Variants in GSG1L observed in about 807,000 individuals in gnomAD.
GSG1L encodes GSG1 like.
GSG1L carries 24 observed loss-of-function variants against 42.1 expected under a neutral mutation model. That is an observed-to-expected ratio of 0.57 (90% CI 0.41 to 0.80). The LOEUF (loss-of-function observed/expected upper bound fraction) is 0.80. Among genes scored for constraint, GSG1L ranks in the 30% least tolerant of loss-of-function variants. The pLI, the probability that GSG1L is intolerant of heterozygous loss-of-function variation, is 0.00. For synonymous variants in GSG1L, 215 were observed against 203.5 expected (o/e 1.06, Z -0.48); for missense variants, 445 against 472.2 (o/e 0.94, Z 0.53).
chr16:28,003,370 CCT>C (rs1419073386), intron 1 of GSG1L, among the ~76,000 whole-genome samples: 1 of 152,204 alleles, frequency 6.6e-6, no homozygotes, highest in African/African-American at 2.4e-5. Context: ...AGCTGGGCAA[CCT>C]CTCTCTGGCT....
At chr16:27,824,054 A>T in intron 5 of GSG1L, 1 of 647,876 alleles carries the variant, frequency 1.5e-6, no homozygotes, top group Non-Finnish European at 2.8e-6. Flanking sequence ...GCTTCGAAAT[A>T]CCCTCGCCAT....
At chr16:27,823,808 C>T (rs924101480) in intron 5 of GSG1L, 4 of 700,820 alleles carry the variant, frequency 5.7e-6, no homozygotes, top group Non-Finnish European at 1.0e-5. Context: ...AGAGGCCACA[C>T]AGCACAGGGA....
intron 4 of GSG1L, among the ~76,000 whole-genome samples, chr16:27,843,848 G>C (rs1434446196): frequency 6.6e-6 from 1 of 152,178 alleles, no homozygotes; most frequent in Non-Finnish European, 1.5e-5. Context: ...AATAAGGAGA[G>C]AGAATATGAC....
At chr16:27,960,422 G>A (rs1037137058) in intron 2 of GSG1L, among the ~76,000 whole-genome samples, 5 of 152,132 alleles carry the variant, frequency 3.3e-5, no homozygotes, top group African/African-American at 1.2e-4. Flanking sequence ...TAGTGCCAGT[G>A]TCGCGATTAT....
intron 2 of GSG1L, among the ~76,000 whole-genome samples, chr16:27,920,615 C>T (rs992895209): frequency 9.2e-5 from 14 of 152,200 alleles, no homozygotes; most frequent in African/African-American, 1.4e-4. Context: ...GAGCGTGGGC[C>T]GGTCACTTGC....
At chr16:27,934,401 G>A (rs1340125859) in intron 2 of GSG1L, among the ~76,000 whole-genome samples, 1 of 152,168 alleles carries the variant, frequency 6.6e-6, no homozygotes, top group African/African-American at 2.4e-5. Flanking sequence ...CAGGCATGAT[G>A]GCAGGTGCCT....
intron 1 of GSG1L, among the ~76,000 whole-genome samples, chr16:28,006,651 C>T (rs1271921586): frequency 2.6e-5 from 4 of 152,110 alleles, no homozygotes; most frequent in Non-Finnish European, 4.4e-5. Flanking sequence ...TCCTGGATTC[C>T]GGCCTGCAGA....
intron 1 of GSG1L, among the ~76,000 whole-genome samples, chr16:28,043,448 G>C (rs1279407288): frequency 6.6e-6 from 1 of 152,194 alleles, no homozygotes; most frequent in African/African-American, 2.4e-5. Flanking sequence ...AAAAGAAGGA[G>C]TCAAAAGGAA....
intron 2 of GSG1L, among the ~76,000 whole-genome samples, chr16:27,959,737 G>A (rs116199170): frequency 0.026 from 3,929 of 151,822 alleles, 187 homozygotes; most frequent in African/African-American, 0.09. Flanking sequence ...AGCTACGATC[G>A]CACCACTGCA....
chr16:27,927,969 GC>G (rs1372959166), intron 2 of GSG1L, among the ~76,000 whole-genome samples: 5 of 152,092 alleles, frequency 3.3e-5, no homozygotes, highest in African/African-American at 1.2e-4. Flanking sequence ...GAGGATTCGT[GC>G]TTTATCATCA....
chr16:28,008,810 TTTTG>T (rs200213306), intron 1 of GSG1L, among the ~76,000 whole-genome samples: 3 of 152,164 alleles, frequency 2.0e-5, no homozygotes, highest in South Asian at 2.1e-4. Flanking sequence ...GTCAGAACTT[TTTTG>T]TTTGTTTGTT....
intron 2 of GSG1L, among the ~76,000 whole-genome samples, chr16:27,955,023 T>A (rs1409380247): frequency 6.6e-6 from 1 of 152,070 alleles, no homozygotes; most frequent in African/African-American, 2.4e-5. Context: ...TGGCCAATAT[T>A]CTCCCCATCT....
chr16:27,795,571 C>G (rs543287789), intron 6 of GSG1L, among the ~76,000 whole-genome samples: 1 of 152,306 alleles, frequency 6.6e-6, no homozygotes, highest in East Asian at 1.9e-4. Context: ...GTGGAAAGAA[C>G]ACAGTTCTGG....
intron 2 of GSG1L, among the ~76,000 whole-genome samples, chr16:27,907,514 T>A (rs77074044): frequency 0.013 from 2,015 of 152,368 alleles, 51 homozygotes; most frequent in African/African-American, 0.045. Context: ...ATGAGCTCCC[T>A]CATAGGCAGG....
intron 1 of GSG1L, among the ~76,000 whole-genome samples, chr16:28,042,165 G>A (rs559953645): frequency 6.6e-6 from 1 of 152,328 alleles, no homozygotes; most frequent in South Asian, 2.1e-4. Context: ...GCTGGGCGCA[G>A]TGGTTCGTGC....
chr16:27,843,504 T>TAAAAAAAA (rs55755431), intron 4 of GSG1L, among the ~76,000 whole-genome samples: 1 of 75,940 alleles, frequency 1.3e-5, no homozygotes, highest in Non-Finnish European at 2.7e-5. Context: ...AGAGACTCTG[T>TAAAAAAAA]AAAAAAAAAA....
intron 2 of GSG1L, among the ~76,000 whole-genome samples, chr16:27,931,017 G>C (rs1359760315): frequency 6.6e-6 from 1 of 152,116 alleles, no homozygotes; most frequent in Non-Finnish European, 1.5e-5. Flanking sequence ...CTCCCAAACT[G>C]CTGGGATTAT....
intron 2 of GSG1L, among the ~76,000 whole-genome samples, chr16:27,923,159 C>G (rs898238259): frequency 6.6e-6 from 1 of 152,226 alleles, no homozygotes. Flanking sequence ...TGCAAAAAAA[C>G]CTGGTACTGG....
In GSG1L at chr16:28,001,067, C is replaced by T. The variant is rs114729365; in HGVS notation, c.350-37864G>A. ...TGCTTCCCCCTCCCTCTGTGGGCTT[C>T]GTTCTACTCATTAGCAGCTCCACCA... On this transcript the variant is annotated intron_variant, in intron 1 of 6. Coordinates refer to ENST00000447459, the MANE Select transcript of GSG1L (RefSeq NM_001109763.2). 9.8e-4 allele frequency among the ~76,000 whole-genome samples: 149 copies of T among 152,224 alleles called. 1 individual carries two copies. The highest frequency in any genetic ancestry group is 3.4e-3 in the African/African-American group (140 of 41,524).
Sources: gnomAD v4.1 joint callset for allele counts (sites outside exome capture counted in the v4.1 genomes callset) on GRCh38, gnomAD v4.1.1 for gene constraint, MANE v1.5 for transcripts, NCBI Gene and HGNC (gene_info 2026-07-23, HGNC 2026-07-21) for gene names.